PRKCA: variants seen among roughly 807,000 people sequenced by gnomAD.
PRKCA encodes protein kinase C alpha.
A neutral mutation model predicts 87.0 loss-of-function variants in PRKCA; 27 were observed. The observed-to-expected ratio is 0.31, with a 90% CI of 0.23 to 0.43. The LOEUF is 0.43. Ranked by LOEUF, PRKCA falls within the 20% of genes least tolerant of loss-of-function variation. PRKCA has a pLI of 1.00. For synonymous variants in PRKCA, 329 were observed against 311.1 expected (o/e 1.06, Z -0.61); for missense variants, 518 against 852.3 (o/e 0.61, Z 4.88).
chr17:66,376,800 G>A (rs2143564660), intron 2 of PRKCA, among the ~76,000 whole-genome samples: 1 of 152,184 alleles, frequency 6.6e-6, no homozygotes, highest in Middle Eastern at 3.4e-3. Flanking sequence ...GGGTCCCCAT[G>A]TAAGTCCTTT....
At chr17:66,588,136 T>C (rs1470964169) in intron 3 of PRKCA, among the ~76,000 whole-genome samples, 1 of 151,986 alleles carries the variant, frequency 6.6e-6, no homozygotes, top group Non-Finnish European at 1.5e-5. Context: ...ATAAATGCTT[T>C]TATCAGGTTG....
chr17:66,455,525 G>A (rs1254025010), intron 2 of PRKCA, among the ~76,000 whole-genome samples: 1 of 152,186 alleles, frequency 6.6e-6, no homozygotes, highest in African/African-American at 2.4e-5. Context: ...AATTTCTAAG[G>A]ATTATCTTCA....
intron 5 of PRKCA, among the ~76,000 whole-genome samples, chr17:66,679,383 G>A (rs182842921): frequency 3.3e-5 from 5 of 151,952 alleles, no homozygotes; most frequent in South Asian, 2.1e-4. Flanking sequence ...GGGTTTCACC[G>A]TGTTAGCCAG....
chr17:66,557,567 C>G (rs1443710865), intron 3 of PRKCA, among the ~76,000 whole-genome samples: 1 of 152,030 alleles, frequency 6.6e-6, no homozygotes, highest in Non-Finnish European at 1.5e-5. Context: ...TGCAACTGCT[C>G]TCTCATGTAA....
chr17:66,762,077 C>T lies in PRKCA; in HGVS notation c.1525-11910C>T, dbSNP rs1379174005. 1.3e-5 allele frequency among the ~76,000 whole-genome samples: 2 copies of T among 152,162 alleles called. 1 individual carries two copies. Among genetic ancestry groups the T allele is most frequent in the South Asian group, 4.1e-4 (2 of 4,832 alleles). On this transcript the variant is annotated intron_variant, in intron 13 of 16. Coordinates refer to ENST00000413366, the MANE Select transcript of PRKCA (RefSeq NM_002737.3). The stretch of plus-strand genomic sequence containing the variant: ...ATTCACTTCTGTAACTGATTCACTT[C>T]TGATTTACTATGTCTGGTACACAGT...
intron 2 of PRKCA, among the ~76,000 whole-genome samples, chr17:66,321,568 C>T (rs1598589455): frequency 6.6e-6 from 1 of 152,082 alleles, no homozygotes; most frequent in South Asian, 2.1e-4. Context: ...TTTTTTTAGA[C>T]AGCCTTGCTC....
At chr17:66,705,256 A>G (rs994706067) in intron 8 of PRKCA, among the ~76,000 whole-genome samples, 1 of 152,192 alleles carries the variant, frequency 6.6e-6, no homozygotes, top group Non-Finnish European at 1.5e-5. Flanking sequence ...AAAGTCTTAA[A>G]CTGATATAGG....
chr17:66,682,599 A>G (rs1972521628), intron 5 of PRKCA, among the ~76,000 whole-genome samples: 1 of 152,242 alleles, frequency 6.6e-6, no homozygotes, highest in African/African-American at 2.4e-5. Flanking sequence ...TGTTGTTTCT[A>G]TACTGTTGTG....
At chr17:66,777,926 C>T (rs1159842278) in intron 14 of PRKCA, 7 of 985,286 alleles carry the variant, frequency 7.1e-6, no homozygotes, top group Non-Finnish European at 7.2e-6. Context: ...GGATCTCATT[C>T]ACTAGGGGAG....
intron 8 of PRKCA, among the ~76,000 whole-genome samples, chr17:66,691,029 A>C (rs758305182): frequency 6.7e-6 from 1 of 150,122 alleles, no homozygotes; most frequent in Non-Finnish European, 1.5e-5. Context: ...TAGCTACGAG[A>C]ATCACTTGAA....
chr17:66,462,348 G>A (rs73996214), intron 2 of PRKCA, among the ~76,000 whole-genome samples: 9,695 of 152,182 alleles, frequency 0.064, 1,027 homozygotes, highest in African/African-American at 0.22. Flanking sequence ...CAGTGGGCCC[G>A]CTCATGAAAA....
intron 3 of PRKCA, among the ~76,000 whole-genome samples, chr17:66,570,605 C>T (rs1234960949): frequency 2.0e-5 from 3 of 152,200 alleles, no homozygotes; most frequent in South Asian, 4.1e-4. Flanking sequence ...TGCTAAATCA[C>T]TTTCTTAGGG....
intron 3 of PRKCA, among the ~76,000 whole-genome samples, chr17:66,497,402 A>G (rs1916521931): frequency 6.6e-6 from 1 of 152,118 alleles, no homozygotes; most frequent in South Asian, 2.1e-4. Flanking sequence ...AGGCTAAGGC[A>G]GGAGACTCAT....
rs372654129 is a variant in PRKCA at position 66,394,734 on chromosome 17, GGTTCCCCCATGCT to G, written c.205+88612_205+88624del. 8.5e-5 allele frequency among the ~76,000 whole-genome samples: 13 copies of G among 152,276 alleles called. No individual in the cohort carries two copies. The East Asian group carries it at 2.5e-3, about 29-fold the overall frequency. ...TGGAGGTAGTTGAATCACTGGGGCA[GGTTCCCCCATGCT>G]GTTCTTGTGATAGTGAGTTCTCACG... On this transcript the variant is annotated intron_variant, in intron 2 of 16. Coordinates refer to ENST00000413366, the MANE Select transcript of PRKCA (RefSeq NM_002737.3).
At chr17:66,719,719 A>T (rs1469164366) in intron 8 of PRKCA, among the ~76,000 whole-genome samples, 1 of 152,260 alleles carries the variant, frequency 6.6e-6, no homozygotes, top group Admixed American at 6.5e-5. Flanking sequence ...GCAAGCCAAG[A>T]TCACACCGCT....
At chr17:66,489,326 G>T (rs2144083922) in intron 2 of PRKCA, among the ~76,000 whole-genome samples, 1 of 139,758 alleles carries the variant, frequency 7.2e-6, no homozygotes, top group South Asian at 2.3e-4. Flanking sequence ...TTTTAAAGGA[G>T]AAATGGAAAA....
intron 3 of PRKCA, among the ~76,000 whole-genome samples, chr17:66,612,603 G>A (rs1970400394): frequency 1.3e-5 from 2 of 152,006 alleles, no homozygotes; most frequent in African/African-American, 4.8e-5. Context: ...CCTGCTGGGA[G>A]AATACTGAGT....
chr17:66,748,610 A>G (rs1386682085), intron 13 of PRKCA, among the ~76,000 whole-genome samples: 2 of 152,180 alleles, frequency 1.3e-5, no homozygotes, highest in Non-Finnish European at 2.9e-5. Flanking sequence ...CTGGGACTTG[A>G]TGATCCCTGA....
At chr17:66,420,978 C>T (rs1912456451) in intron 2 of PRKCA, among the ~76,000 whole-genome samples, 2 of 152,178 alleles carry the variant, frequency 1.3e-5, no homozygotes, top group Non-Finnish European at 2.9e-5. Context: ...GTTGATAATG[C>T]ATTATTGTTA....
Sources: allele counts gnomAD v4.1 joint callset (sites outside exome capture counted in the v4.1 genomes callset), GRCh38; gene constraint gnomAD v4.1.1; transcripts MANE v1.5; gene names NCBI Gene and HGNC (gene_info 2026-07-23, HGNC 2026-07-21).